Variants in CLCC1 observed in about 807,000 individuals in gnomAD.
CLCC1 encodes chloride channel CLIC like 1.
Under a neutral mutation model 63.3 loss-of-function variants are expected in CLCC1, and 39 were observed. That is an observed-to-expected ratio of 0.62 (90% confidence interval 0.48 to 0.81). The LOEUF is 0.81. Ranked by LOEUF, CLCC1 falls within the 30% of genes least tolerant of loss-of-function variation. The pLI, the probability that CLCC1 is intolerant of heterozygous loss-of-function variation, is 0.00. For synonymous variants in CLCC1, 217 were observed against 239.8 expected, an observed-to-expected ratio of 0.90 and a Z score of 0.88; for missense variants, 549 against 669.4, an observed-to-expected ratio of 0.82 and a Z score of 1.98.
At chr1:108,954,206 C>A (rs947969050) in intron 2 of CLCC1, among the ~76,000 whole-genome samples, 2 of 150,664 alleles carry the variant, frequency 1.3e-5, no homozygotes, top group Non-Finnish European at 2.9e-5. Flanking sequence ...GGTGATGACA[C>A]TGCTGAGGAA....
rs1571009083 is a variant in CLCC1 at position 108,937,306 on chromosome 1, A to G, written c.1154T>C (p.Ile385Thr). The G allele has an allele frequency of 1.9e-6, 3 of 1,614,144 alleles. No individual in the cohort carries two copies. The highest frequency in any genetic ancestry group is 1.6e-4 in the Middle Eastern group (1 of 6,062). ...RPRDRRRQEEIDYRPDGGAGD... is the reference protein window; with the variant it reads ...RPRDRRRQEETDYRPDGGAGD... ...TGCTCCACCATCAGGTCTATAATCA[A>G]TTTCCTCCTGCCGTCTTCTATCCCG... Residue 385 changes from isoleucine to threonine, a missense_variant, in exon 11 of 13, where the codon ATT becomes ACT. Transcript: ENST00000369969.
In CLCC1 at chr1:108,949,895, CT is replaced by C. The variant is rs1164023948; in HGVS notation, c.155del (p.Lys52ArgfsTer23). The stretch of plus-strand genomic sequence containing the variant: ...CACATGACAAGTCAGGACTGACATC[CT>C]TTTCCCCTGAAATACCATATTTTGC... ...SQAKYGISGE[K>X]DVSPDLSCAD... On this transcript the variant is annotated frameshift_variant, in exon 4 of 13. Coordinates refer to ENST00000369969, the MANE Select transcript of CLCC1 (RefSeq NM_001377458.1). LOFTEE classifies it high-confidence loss of function. 1.9e-6 allele frequency: 3 copies of C among 1,599,774 alleles called. No individual in the cohort carries two copies. The highest frequency in any genetic ancestry group is 2.3e-5 in the East Asian group (1 of 44,250).
rs1353988471 is a variant in CLCC1 at position 108,950,825 on chromosome 1, G to A, written c.-11-377C>T. 3.3e-5 allele frequency among the ~76,000 whole-genome samples: 5 copies of A among 151,978 alleles called. No homozygotes were observed. The South Asian group carries it at 8.3e-4, about 25-fold the overall frequency. On this transcript the variant is annotated intron_variant, in intron 2 of 12. Coordinates refer to ENST00000369969, the MANE Select transcript of CLCC1 (RefSeq NM_001377458.1). ...CCATTGCACCCAGCCAGATTGTTTT[G>A]TAATGAAAACTACTTCCTTCTAGAG...
intron 3 of CLCC1, 78 bp from the exon 4 acceptor site, chr1:108,949,999 T>C (rs554531357): frequency 2.3e-6 from 2 of 875,958 alleles, no homozygotes; most frequent in East Asian, 5.2e-5. Context: ...AAGACTAAGA[T>C]TCTGACTTCA....
intron 9 of CLCC1, 114 bp from the exon 10 acceptor site, chr1:108,939,896 T>C: frequency 7.5e-7 from 1 of 1,332,126 alleles, no homozygotes; most frequent in Non-Finnish European, 1.0e-6. Context: ...AAAATGCTGT[T>C]GTGCCATTTT....
chr1:108,961,992 T>C (rs1414561654), intron 2 of CLCC1, among the ~76,000 whole-genome samples: 1 of 152,184 alleles, frequency 6.6e-6, no homozygotes, highest in East Asian at 1.9e-4. Flanking sequence ...CAAAGTAACT[T>C]GCCTAAGACC....
chr1:108,963,268 C>CCGCA (rs1656908199), intron 1 of CLCC1, 93 bp downstream of exon 1: 2 of 651,448 alleles, frequency 3.1e-6, no homozygotes, highest in Admixed American at 4.3e-5. Context: ...GCCTCCCCAG[C>CCGCA]GTCTGCGCCG....
At chr1:108,963,057 C>G (rs1203121827) in intron 1 of CLCC1, among the ~76,000 whole-genome samples, 1 of 152,218 alleles carries the variant, frequency 6.6e-6, no homozygotes, top group East Asian at 1.9e-4. Flanking sequence ...CAACAGAATT[C>G]AACGTGCGCT....
Position 108,939,698 on chromosome 1 carries a change from T to G in CLCC1, c.979A>C (p.Met327Leu). Residue 327 changes from methionine (M) to leucine (L), a missense_variant, in exon 10 of 13, where the codon ATG (methionine) becomes CTG (leucine). Met to Leu is a conservative substitution (Grantham distance 15). Transcript: ENST00000369969. ...KGTGEFIKAL[M>L]KEIPALLHLP... ...TGAAGCAGCGCTGGAATTTCCTTCA[T>G]GAGTGCTTTAATAAATTCCCCAGTT... 1.2e-6 allele frequency: 2 copies of G among 1,614,196 alleles called. No individual in the cohort carries two copies. The highest frequency in any genetic ancestry group is 1.7e-6 in the Non-Finnish European group (2 of 1,180,034).
chr1:108,936,882 A>G (rs1242577004), intron 11 of CLCC1, among the ~76,000 whole-genome samples, 195 bp downstream of exon 11: 1 of 152,250 alleles, frequency 6.6e-6, no homozygotes, highest in East Asian at 1.9e-4. Flanking sequence ...ATTTTACATA[A>G]AAGTTAAATC....
Position 108,931,219 on chromosome 1 carries a change from CAGAAAACAGA to C in CLCC1, c.*1318_*1327del, listed in dbSNP as rs1294367479. 1.1e-5 allele frequency: 15 copies of C among 1,315,496 alleles called. No individual in the cohort carries two copies. The South Asian group carries it at 2.2e-4, about 19-fold the overall frequency. 81.5% of individuals were successfully genotyped at this position (1,315,496 alleles called of 1,614,324 possible). On this transcript the variant is annotated 3_prime_UTR_variant, in exon 13 of 13. Coordinates refer to ENST00000369969, the MANE Select transcript of CLCC1 (RefSeq NM_001377458.1). ...CAAGAACCTAGGACACATAAACAAA[CAGAAAACAGA>C]TGAAAACTCACAAAAATTAAATATG...
At chr1:108,938,038 C>T (rs767362479) in intron 10 of CLCC1, among the ~76,000 whole-genome samples, 28 of 152,222 alleles carry the variant, frequency 1.8e-4, no homozygotes, top group Admixed American at 2.6e-4. Flanking sequence ...GAATATACAA[C>T]GGAGCATTCC....
intron 5 of CLCC1, among the ~76,000 whole-genome samples, chr1:108,947,370 G>A (rs1180950834): frequency 1.3e-5 from 2 of 152,136 alleles, no homozygotes; most frequent in East Asian, 1.9e-4. Context: ...GCACAGAGCT[G>A]AGTAAGTAAA....
chr1:108,958,574 G>A (rs1356706658), intron 2 of CLCC1, among the ~76,000 whole-genome samples: 1 of 151,604 alleles, frequency 6.6e-6, no homozygotes, highest in Admixed American at 6.6e-5. Context: ...AAGTGAAAAA[G>A]TGAAAGTTCT....
At chr1:108,941,341 G>A (rs565352538) in intron 8 of CLCC1, 64 bp downstream of exon 8, 3 of 1,374,512 alleles carry the variant, frequency 2.2e-6, no homozygotes, top group Non-Finnish European at 3.1e-6. Flanking sequence ...CATTCTCTTT[G>A]TTCTATGTTC....
At chr1:108,936,658 G>T (rs1413405235) in intron 11 of CLCC1, among the ~76,000 whole-genome samples, 1 of 152,162 alleles carries the variant, frequency 6.6e-6, no homozygotes, top group Non-Finnish European at 1.5e-5. Context: ...TGAAGATTTG[G>T]GGAAGCAATG....
intron 7 of CLCC1, among the ~76,000 whole-genome samples, chr1:108,942,446 C>T (rs972946458): frequency 6.6e-6 from 1 of 152,058 alleles, no homozygotes; most frequent in African/African-American, 2.4e-5. Flanking sequence ...GTTCTAAATA[C>T]TATAATACTT....
chr1:108,934,596 A>C, intron 12 of CLCC1, 29 bp downstream of exon 12: 10 of 1,501,086 alleles, frequency 6.7e-6, no homozygotes, highest in African/African-American at 1.4e-5. Flanking sequence ...CTTGCAGAGA[A>C]GAGAAAGAGA....
intron 11 of CLCC1, among the ~76,000 whole-genome samples, chr1:108,935,689 C>T (rs777847970): frequency 6.6e-6 from 1 of 152,092 alleles, no homozygotes; most frequent in Non-Finnish European, 1.5e-5. Flanking sequence ...TCGGTTGAGC[C>T]CAGGATTTTG....
Sources: allele counts gnomAD v4.1 joint callset (sites outside exome capture counted in the v4.1 genomes callset), GRCh38; gene constraint gnomAD v4.1.1; transcripts MANE v1.5; gene names NCBI Gene and HGNC (gene_info 2026-07-23, HGNC 2026-07-21).